The following B4GALNT3 variants were observed in gnomAD, a reference collection of about 807,000 sequenced individuals.
The protein encoded by B4GALNT3 is beta-1,4-N-acetylgalactosaminyltransferase 3.
Under a neutral mutation model 120.2 loss-of-function variants are expected in B4GALNT3, and 86 were observed. The observed-to-expected ratio is 0.72, with a 90% CI of 0.60 to 0.86. B4GALNT3 has a LOEUF of 0.86. B4GALNT3 is among the 40% of genes least tolerant of loss of function. The pLI is 0.00. For missense variants in B4GALNT3, 1,167 were observed against 1,298.9 expected, an observed-to-expected ratio of 0.90 and a Z score of 1.56; for synonymous variants, 518 against 510.4, an observed-to-expected ratio of 1.01 and a Z score of -0.20.
chr12:536,542 C>G (rs1946862424), intron 3 of B4GALNT3, among the ~76,000 whole-genome samples: 3 of 152,152 alleles, frequency 2.0e-5, no homozygotes, highest in Admixed American at 2.0e-4. Flanking sequence ...GAGAAGGGGT[C>G]TCACTATGTC....
At chr12:479,257 G>T (rs1325606912) in intron 1 of B4GALNT3, among the ~76,000 whole-genome samples, 1 of 152,100 alleles carries the variant, frequency 6.6e-6, no homozygotes, top group Non-Finnish European at 1.5e-5. Context: ...TGTTGCCCAG[G>T]TTGGTGTCAA....
At chr12:467,385 C>G (rs1055484650) in intron 1 of B4GALNT3, among the ~76,000 whole-genome samples, 5 of 152,084 alleles carry the variant, frequency 3.3e-5, no homozygotes, top group Non-Finnish European at 7.4e-5. Flanking sequence ...ATGATGAAAG[C>G]CCATCTCTAC....
rs117107192 is a variant in B4GALNT3 at position 493,450 on chromosome 12, T to C, written c.169+32905T>C. Reference sequence around the variant, plus strand: ...GACAAGGACATGGAGCAACAGGAACTCTCATTCATTGCTGGTGGGAATGCA... The same window carrying C: ...GACAAGGACATGGAGCAACAGGAACCCTCATTCATTGCTGGTGGGAATGCA... On this transcript the variant is annotated intron_variant, in intron 1 of 19. Coordinates refer to ENST00000266383, the MANE Select transcript of B4GALNT3 (RefSeq NM_173593.4). Among the ~76,000 whole-genome samples the C allele has an allele frequency of 5.5e-3, 840 of 152,334 alleles. 6 individuals carry two copies. Among genetic ancestry groups the C allele is most frequent in the Non-Finnish European group, 8.9e-3 (608 of 68,026 alleles).
intron 14 of B4GALNT3, chr12:555,237 C>A: frequency 2.5e-6 from 1 of 394,436 alleles, no homozygotes; most frequent in South Asian, 1.8e-5. Context: ...GGTTACTTCC[C>A]ATTCCTCCTC....
intron 1 of B4GALNT3, among the ~76,000 whole-genome samples, chr12:534,302 A>G (rs1592045755): frequency 6.6e-6 from 1 of 152,184 alleles, no homozygotes; most frequent in African/African-American, 2.4e-5. Context: ...TGTGACTAAC[A>G]GTGGTTTGGT....
At chr12:491,089 A>G (rs894579835) in intron 1 of B4GALNT3, among the ~76,000 whole-genome samples, 6 of 152,352 alleles carry the variant, frequency 3.9e-5, no homozygotes, top group African/African-American at 9.6e-5. Context: ...AGAAAATTAC[A>G]GATTAATATC....
chr12:523,709 T>C (rs1392950981), intron 1 of B4GALNT3, among the ~76,000 whole-genome samples: 4 of 152,212 alleles, frequency 2.6e-5, no homozygotes, highest in African/African-American at 2.4e-5. Flanking sequence ...ATGGAAATGA[T>C]TTTTGGCATT....
At position 536,067 on chromosome 12, in the gene B4GALNT3, A is replaced by G. The variant is rs74056259; in HGVS notation, c.274-151A>G. 2,522 of 631,790 alleles carry G rather than the reference A, an allele frequency of 4.0e-3. 47 individuals are homozygous for G. In the African/African-American group the frequency reaches 0.041, roughly 10 times the overall value. The allele number at this position is 631,790 out of a possible 1,614,324, so 39.1% of individuals were successfully genotyped here. On this transcript the variant is annotated intron_variant, in intron 2 of 19. Coordinates refer to ENST00000266383, the MANE Select transcript of B4GALNT3 (RefSeq NM_173593.4). ...CCGAGGAGCAGGCGCTGATGAAACT[A>G]TGGAGATGTATTCCCAGGACATGGT...
chr12:549,693 C>T, intron 9 of B4GALNT3, 76 bp from the exon 10 acceptor site: 1 of 1,575,146 alleles, frequency 6.3e-7, no homozygotes, highest in Non-Finnish European at 8.7e-7. Flanking sequence ...TGCGTCTCTT[C>T]CCTCCCCTTC....
rs180818130 is a variant in B4GALNT3, at chr12:506,213, T to A, written c.170-28953T>A. On this transcript the variant is annotated intron_variant, in intron 1 of 19. Transcript: ENST00000266383. ...AGGAAAATCGTTCTTCATTTGTGTG[T>A]GTTTATTATCAAATCATAGAGTGTA... Among the ~76,000 whole-genome samples, 4 of 152,324 alleles carry A rather than the reference T, an allele frequency of 2.6e-5. No individual in the cohort carries two copies. In the East Asian group the frequency reaches 7.7e-4, roughly 29 times the overall value.
intron 1 of B4GALNT3, among the ~76,000 whole-genome samples, chr12:512,922 C>CCTTCCACCTTCCACCTTCCAACTT (rs1946608632): frequency 7.9e-6 from 1 of 127,000 alleles, no homozygotes; most frequent in Non-Finnish European, 1.8e-5. Flanking sequence ...CCACCTTCTG[C>CCTTCCACCTTCCACCTTCCAACTT]CTTCCACCTT....
intron 1 of B4GALNT3, among the ~76,000 whole-genome samples, chr12:474,481 G>A (rs1946165202): frequency 6.6e-6 from 1 of 152,122 alleles, no homozygotes; most frequent in African/African-American, 2.4e-5. Flanking sequence ...CCCCCTCTTT[G>A]TGGAGAGATT....
Position 530,497 on chromosome 12 carries a change from A to T in B4GALNT3, c.170-4669A>T, listed in dbSNP as rs180991563. 1.8e-3 allele frequency among the ~76,000 whole-genome samples: 276 copies of T among 152,340 alleles called. 2 individuals are homozygous for T. Among genetic ancestry groups the T allele is most frequent in the African/African-American group, 6.6e-3 (273 of 41,576 alleles). ...GGTATGAATCACACCAGGCGTCAGG[A>T]GAAATAATTGTGAGTTCCAGATCTG... On this transcript the variant is annotated intron_variant, in intron 1 of 19. Coordinates refer to ENST00000266383, the MANE Select transcript of B4GALNT3 (RefSeq NM_173593.4).
chr12:508,521 A>G (rs1946518486), intron 1 of B4GALNT3, among the ~76,000 whole-genome samples: 1 of 152,202 alleles, frequency 6.6e-6, no homozygotes, highest in African/African-American at 2.4e-5. Flanking sequence ...GTCTCAAGCA[A>G]TAAAACAGCT....
intron 1 of B4GALNT3, among the ~76,000 whole-genome samples, chr12:523,715 G>A (rs552583684): frequency 2.0e-5 from 3 of 152,286 alleles, no homozygotes; most frequent in East Asian, 3.9e-4. Context: ...ATGATTTTTG[G>A]CATTGGGATA....
At chr12:463,853 A>C (rs1946050501) in intron 1 of B4GALNT3, among the ~76,000 whole-genome samples, 1 of 152,232 alleles carries the variant, frequency 6.6e-6, no homozygotes, top group African/African-American at 2.4e-5. Context: ...CAGAGGGTAT[A>C]AGAAGAATAG....
intron 1 of B4GALNT3, among the ~76,000 whole-genome samples, chr12:497,432 T>C (rs11834532): frequency 0.21 from 32,651 of 152,226 alleles, 4,602 homozygotes; most frequent in African/African-American, 0.4. Context: ...CGTGAGCCAC[T>C]GCACCTGGCC....
intron 1 of B4GALNT3, among the ~76,000 whole-genome samples, chr12:520,228 C>T (rs1283544253): frequency 6.6e-6 from 1 of 152,194 alleles, no homozygotes; most frequent in Admixed American, 6.5e-5. Context: ...TCTGTTGACC[C>T]AGCTATACAT....
At chr12:512,944 C>CTTCCACCTTCCACT (rs1565599060) in intron 1 of B4GALNT3, among the ~76,000 whole-genome samples, 1 of 131,236 alleles carries the variant, frequency 7.6e-6, no homozygotes, top group African/African-American at 2.8e-5. Context: ...CACCTTCCAC[C>CTTCCACCTTCCACT]TTCTTCCACC....
Sources: allele counts gnomAD v4.1 joint callset (sites outside exome capture counted in the v4.1 genomes callset), GRCh38; gene constraint gnomAD v4.1.1; transcripts MANE v1.5; gene names NCBI Gene and HGNC (gene_info 2026-07-23, HGNC 2026-07-21).